The following ANKRD45 variants were observed in gnomAD, a reference collection of about 807,000 sequenced individuals.
The protein encoded by ANKRD45 is ankyrin repeat domain-containing protein 45.
ANKRD45 carries 21 observed loss-of-function variants against 28.1 expected under a neutral mutation model. The observed-to-expected ratio is 0.75, with a 90% CI of 0.53 to 1.08. The LOEUF is 1.08. Ranked by LOEUF, ANKRD45 falls within the 50% of genes least tolerant of loss-of-function variation. ANKRD45 has a pLI of 0.00. For synonymous variants in ANKRD45, 86 were observed against 103.9 expected (o/e 0.83, Z 1.05); for missense variants, 261 against 308.7 (o/e 0.85, Z 1.16).
the ANKRD45 span, among the ~76,000 whole-genome samples, chr1:173,711,227 T>C: frequency 6.6e-6 from 1 of 152,208 alleles, no homozygotes; most frequent in African/African-American, 2.4e-5. Flanking sequence ...GAGACAGGTC[T>C]CAGTTAATTT....
chr1:173,684,607 A>C, the ANKRD45 span, among the ~76,000 whole-genome samples: 1 of 152,136 alleles, frequency 6.6e-6, no homozygotes, highest in East Asian at 1.9e-4. Context: ...AAAAGTGATC[A>C]TTTACCCCTG....
At chr1:173,618,266 C>T (rs1667551281) in intron 5 of ANKRD45, among the ~76,000 whole-genome samples, 1 of 152,200 alleles carries the variant, frequency 6.6e-6, no homozygotes, top group Admixed American at 6.5e-5. Context: ...CAACACCTCT[C>T]CAGCAAGGGC....
the ANKRD45 span, among the ~76,000 whole-genome samples, chr1:173,683,317 A>T: frequency 6.6e-6 from 1 of 152,078 alleles, no homozygotes; most frequent in East Asian, 1.9e-4. Context: ...GGAAAAAAAA[A>T]TTCATCTTCC....
intron 3 of ANKRD45, among the ~76,000 whole-genome samples, chr1:173,629,769 G>C (rs1391951764): frequency 1.3e-5 from 2 of 151,994 alleles, no homozygotes; most frequent in African/African-American, 4.8e-5. Flanking sequence ...ATTAAAAAAA[G>C]AACTTCCCAA....
chr1:173,637,057 A>G, intron 3 of ANKRD45: 1 of 1,408,208 alleles, frequency 7.1e-7, no homozygotes, highest in Non-Finnish European at 9.7e-7. Flanking sequence ...ATGCAAATGT[A>G]GCTTAGTCAA....
At chr1:173,629,029 C>A (rs986236892) in intron 3 of ANKRD45, among the ~76,000 whole-genome samples, 14 of 152,246 alleles carry the variant, frequency 9.2e-5, no homozygotes, top group Non-Finnish European at 2.1e-4. Flanking sequence ...TTACCCAAGA[C>A]CATTAAGACA....
At chr1:173,634,502 T>G (rs1424009758) in intron 3 of ANKRD45, among the ~76,000 whole-genome samples, 3 of 151,938 alleles carry the variant, frequency 2.0e-5, no homozygotes, top group Admixed American at 1.3e-4. Context: ...CTTTGCTTAT[T>G]ATGCTTCCCC....
In ANKRD45 at chr1:173,609,888, G is replaced by A. The variant is rs1033338950; in HGVS notation, c.*257C>T. 10 of 415,544 alleles carry A rather than the reference G, an allele frequency of 2.4e-5. No homozygotes were observed. The highest frequency in any genetic ancestry group is 1.3e-3 in the Middle Eastern group (2 of 1,540). 25.7% of individuals were successfully genotyped at this position (415,544 alleles called of 1,614,324 possible). Reference sequence around the variant, plus strand: ...GAGTAGTTCTTAAAGCCTCCACATGGTCTTCACGAATGATTTATACCCAAG... The same window carrying A: ...GAGTAGTTCTTAAAGCCTCCACATGATCTTCACGAATGATTTATACCCAAG... On this transcript the variant is annotated 3_prime_UTR_variant, in exon 6 of 6. Transcript: ENST00000333279.
chr1:173,696,541 ATTGT>A, the ANKRD45 span, among the ~76,000 whole-genome samples: 1 of 151,840 alleles, frequency 6.6e-6, no homozygotes, highest in African/African-American at 2.4e-5. Flanking sequence ...CCCTTTTCTC[ATTGT>A]TTGTTTTTGC....
At chr1:173,645,200 C>T (rs1668870775) in intron 3 of ANKRD45, among the ~76,000 whole-genome samples, 1 of 152,162 alleles carries the variant, frequency 6.6e-6, no homozygotes, top group Admixed American at 6.5e-5. Context: ...AAGCACAACT[C>T]ATCTCTTTCT....
intron 2 of ANKRD45, among the ~76,000 whole-genome samples, chr1:173,647,701 A>T (rs1178880906): frequency 1.3e-5 from 2 of 152,212 alleles, no homozygotes; most frequent in Non-Finnish European, 2.9e-5. Flanking sequence ...TATTGCACAG[A>T]GGGACAATAC....
At chr1:173,714,865 C>T in the ANKRD45 span, 1 of 152,256 alleles carries the variant, frequency 6.6e-6, no homozygotes, top group African/African-American at 2.4e-5. Context: ...TCCGGAGCCG[C>T]ACCGGAACCC....
the ANKRD45 span, among the ~76,000 whole-genome samples, chr1:173,688,872 C>G: frequency 6.6e-6 from 1 of 151,886 alleles, no homozygotes; most frequent in Non-Finnish European, 1.5e-5. Flanking sequence ...CCTGTGCCAG[C>G]TGCTTATGCT....
the ANKRD45 span, among the ~76,000 whole-genome samples, chr1:173,701,196 T>C: frequency 1.3e-5 from 2 of 152,222 alleles, no homozygotes; most frequent in Admixed American, 6.5e-5. Context: ...TGTGGAGAAA[T>C]TGGAACACTT....
intron 5 of ANKRD45, among the ~76,000 whole-genome samples, chr1:173,613,627 T>C (rs58706672): frequency 0.33 from 38,850 of 118,704 alleles, 8,395 homozygotes; most frequent in African/African-American, 0.68. Flanking sequence ...CCCGGCCAGC[T>C]GCCCCGTCCG....
intron 2 of ANKRD45, chr1:173,658,095 G>A: frequency 6.5e-6 from 1 of 152,844 alleles, no homozygotes; most frequent in Non-Finnish European, 1.5e-5. Flanking sequence ...GGCCAAGACA[G>A]GTGGGTCACT....
rs1667042724 is a variant in ANKRD45, at chr1:173,609,151, T to TA, written c.*993dup. Among the ~76,000 whole-genome samples the TA allele has an allele frequency of 1.3e-5, 2 of 152,070 alleles. No individual in the cohort carries two copies. The highest frequency in any genetic ancestry group is 3.8e-4 in the East Asian group (2 of 5,196). On this transcript the variant is annotated 3_prime_UTR_variant, in exon 6 of 6. Coordinates refer to ENST00000333279, the MANE Select transcript of ANKRD45 (RefSeq NM_198493.3). Reference sequence around the variant, plus strand: ...CTGAATTGCTCATACATTAAAAGGATAAAAAACTAAAAACTTTGGGAGACA... The same window carrying TA: ...CTGAATTGCTCATACATTAAAAGGATAAAAAAACTAAAAACTTTGGGAGACA...
At chr1:173,611,784 A>G (rs1667168930) in intron 5 of ANKRD45, among the ~76,000 whole-genome samples, 1 of 152,200 alleles carries the variant, frequency 6.6e-6, no homozygotes, top group Non-Finnish European at 1.5e-5. Context: ...AAACAGATAA[A>G]TTGAACTCAA....
At chr1:173,626,938 G>A (rs1045160231) in intron 4 of ANKRD45, 127 bp downstream of exon 4, 2 of 614,756 alleles carry the variant, frequency 3.3e-6, no homozygotes, top group Non-Finnish European at 5.7e-6. Flanking sequence ...GAGGGAAGAA[G>A]GAAAGAAAGA....
Sources: allele counts gnomAD v4.1 joint callset (sites outside exome capture counted in the v4.1 genomes callset), GRCh38; gene constraint gnomAD v4.1.1; transcripts MANE v1.5; gene names NCBI Gene and HGNC (gene_info 2026-07-23, HGNC 2026-07-21).